ATG10: variants seen among roughly 807,000 people sequenced by gnomAD.
The protein encoded by ATG10 is autophagy related 10.
In ATG10, 30 loss-of-function variants were observed where a neutral mutation model predicts 32.1. That is an observed-to-expected ratio of 0.94 (90% confidence interval 0.70 to 1.27). The LOEUF is 1.27. Ranked by LOEUF, ATG10 falls within the 50% of genes most tolerant of loss-of-function variation. The pLI is 0.00. For synonymous variants in ATG10, 87 were observed against 91.5 expected, an observed-to-expected ratio of 0.95 and a Z score of 0.28; for missense variants, 233 against 262.3, an observed-to-expected ratio of 0.89 and a Z score of 0.77.
chr5:82,049,437 T>TA (rs1763333737), intron 2 of ATG10, among the ~76,000 whole-genome samples: 1 of 149,048 alleles, frequency 6.7e-6, no homozygotes, highest in Non-Finnish European at 1.5e-5. Flanking sequence ...CACTGGGAGA[T>TA]ATACGTAATG....
chr5:82,127,110 G>T lies in ATG10; in HGVS notation c.217-37289G>T, dbSNP rs541182440. 2.0e-5 allele frequency among the ~76,000 whole-genome samples: 3 copies of T among 152,290 alleles called. No individual in the cohort carries two copies. The South Asian group carries it at 6.2e-4, about 32-fold the overall frequency. ...TTCTCTGATGGTAGTTTGTATTTCT[G>T]TGGGATTGGTGGTGATCTCCTCTTT... On this transcript the variant is annotated intron_variant, in intron 3 of 7. Coordinates refer to ENST00000282185, the MANE Select transcript of ATG10 (RefSeq NM_031482.5).
intron 3 of ATG10, among the ~76,000 whole-genome samples, chr5:82,096,114 C>G (rs1167006067): frequency 6.6e-6 from 1 of 152,166 alleles, no homozygotes; most frequent in Non-Finnish European, 1.5e-5. Flanking sequence ...ACTGGCACAT[C>G]AGCTATCACA....
chr5:82,002,056 A>G (rs1281898229), intron 2 of ATG10, among the ~76,000 whole-genome samples: 3 of 152,244 alleles, frequency 2.0e-5, no homozygotes, highest in Admixed American at 6.5e-5. Context: ...ATCACTAATC[A>G]TTAGAGAAAT....
At chr5:82,092,461 G>T (rs112622519) in intron 3 of ATG10, among the ~76,000 whole-genome samples, 1 of 152,144 alleles carries the variant, frequency 6.6e-6, no homozygotes, top group African/African-American at 2.4e-5. Context: ...CAGCAACGTG[G>T]TTTACTATTT....
chr5:81,989,970 A>G (rs539415342), intron 2 of ATG10, among the ~76,000 whole-genome samples: 1 of 152,226 alleles, frequency 6.6e-6, no homozygotes, highest in Admixed American at 6.5e-5. Flanking sequence ...TTAATTTTGT[A>G]ACCATTCAGT....
At chr5:82,171,000 AT>A (rs1743787374) in intron 4 of ATG10, among the ~76,000 whole-genome samples, 1 of 152,146 alleles carries the variant, frequency 6.6e-6, no homozygotes. Flanking sequence ...GGCTGTAGAT[AT>A]CCAGCTGGTA....
At chr5:82,044,522 G>C (rs1036691548) in intron 2 of ATG10, among the ~76,000 whole-genome samples, 44 of 151,836 alleles carry the variant, frequency 2.9e-4, no homozygotes, top group African/African-American at 9.7e-4. Flanking sequence ...TTAATTGAAA[G>C]CCAGACATTG....
At chr5:82,181,992 G>T (rs1361578840) in intron 5 of ATG10, among the ~76,000 whole-genome samples, 1 of 152,132 alleles carries the variant, frequency 6.6e-6, no homozygotes, top group Non-Finnish European at 1.5e-5. Flanking sequence ...CTGAAAGAAA[G>T]TTAACAGGTA....
At chr5:82,233,098 A>C (rs190100405) in intron 5 of ATG10, among the ~76,000 whole-genome samples, 3 of 152,372 alleles carry the variant, frequency 2.0e-5, no homozygotes, top group Non-Finnish European at 1.5e-5. Context: ...ATGTCTTTAC[A>C]TAAGACTAAT....
At chr5:81,982,706 T>C (rs1005496829) in intron 1 of ATG10, among the ~76,000 whole-genome samples, 1 of 152,216 alleles carries the variant, frequency 6.6e-6, no homozygotes, top group Admixed American at 6.5e-5. Flanking sequence ...CAGAGGACCC[T>C]GCGGCCTTCC....
chr5:82,228,590 AT>A (rs1258784197), intron 5 of ATG10, among the ~76,000 whole-genome samples: 1 of 152,212 alleles, frequency 6.6e-6, no homozygotes, highest in African/African-American at 2.4e-5. Context: ...TATTGCATAT[AT>A]TTTTTAAGTG....
At chr5:82,158,645 T>TG (rs903790328) in intron 3 of ATG10, among the ~76,000 whole-genome samples, 4 of 152,038 alleles carry the variant, frequency 2.6e-5, no homozygotes, top group East Asian at 1.9e-4. Context: ...ATCCTCAGGG[T>TG]GGGGGGGTTC....
At position 82,047,319 on chromosome 5, in the gene ATG10, C is replaced by T. The variant is rs186550665; in HGVS notation, c.109-11176C>T. The stretch of plus-strand genomic sequence containing the variant: ...CTCAAAATGGGCAAGTTGGAAAACC[C>T]GACAACAAACTATTATTAAAAAATG... On this transcript the variant is annotated intron_variant, in intron 2 of 7. Coordinates refer to ENST00000282185, the MANE Select transcript of ATG10 (RefSeq NM_031482.5). Among the ~76,000 whole-genome samples the T allele has an allele frequency of 5.3e-3, 806 of 151,732 alleles. 5 individuals carry two copies. Among genetic ancestry groups the T allele is most frequent in the African/African-American group, 0.016 (643 of 41,334 alleles).
At chr5:82,039,411 G>A (rs1376921481) in intron 2 of ATG10, among the ~76,000 whole-genome samples, 1 of 151,988 alleles carries the variant, frequency 6.6e-6, no homozygotes, top group Non-Finnish European at 1.5e-5. Flanking sequence ...ATGGATTAAA[G>A]TTTAATCCAT....
At chr5:82,022,256 T>C (rs945899022) in intron 2 of ATG10, among the ~76,000 whole-genome samples, 1 of 151,956 alleles carries the variant, frequency 6.6e-6, no homozygotes, top group Non-Finnish European at 1.5e-5. Flanking sequence ...TACAGAAGAC[T>C]GGATGTATAT....
At chr5:82,015,469 A>C (rs968279674) in intron 2 of ATG10, among the ~76,000 whole-genome samples, 5 of 152,196 alleles carry the variant, frequency 3.3e-5, no homozygotes, top group Admixed American at 2.0e-4. Flanking sequence ...TACACCTATC[A>C]GACGTAGATT....
At chr5:82,148,506 C>T (rs1189899836) in intron 3 of ATG10, among the ~76,000 whole-genome samples, 2 of 152,134 alleles carry the variant, frequency 1.3e-5, no homozygotes, top group Non-Finnish European at 2.9e-5. Flanking sequence ...TGACTCATTC[C>T]ATTCAACATA....
chr5:81,995,140 G>C (rs1761622276), intron 2 of ATG10, among the ~76,000 whole-genome samples: 1 of 152,056 alleles, frequency 6.6e-6, no homozygotes, highest in Non-Finnish European at 1.5e-5. Context: ...GTGTGTGTGT[G>C]TGTGTTTTGA....
At chr5:82,143,793 GTTTTC>G in intron 3 of ATG10, among the ~76,000 whole-genome samples, 2 of 152,230 alleles carry the variant, frequency 1.3e-5, no homozygotes, top group Middle Eastern at 6.8e-3. Context: ...TTGACTTACA[GTTTTC>G]TTTTCTTGTA....
Sources: gnomAD v4.1 joint callset for allele counts (sites outside exome capture counted in the v4.1 genomes callset) on GRCh38, gnomAD v4.1.1 for gene constraint, MANE v1.5 for transcripts, NCBI Gene and HGNC (gene_info 2026-07-23, HGNC 2026-07-21) for gene names.